The following UGT1A4 variants were observed in gnomAD, a reference collection of about 807,000 sequenced individuals.
The protein encoded by UGT1A4 is UDP glucuronosyltransferase family 1 member A4, also known as UDP-glucuronosyltransferase 1A4.
A neutral mutation model predicts 41.1 loss-of-function variants in UGT1A4; 32 were observed. The ratio of observed to expected loss-of-function variants is 0.78; its 90% CI spans 0.59 to 1.05. UGT1A4 has a LOEUF of 1.05. Ranked by LOEUF, UGT1A4 falls within the 50% of genes least tolerant of loss-of-function variation. The pLI is 0.00. For synonymous variants in UGT1A4, 283 were observed against 265.1 expected (o/e 1.07, Z -0.66); for missense variants, 748 against 677.4 (o/e 1.10, Z -1.16).
At chr2:233,754,945 G>C (rs1342760083) in intron 1 of UGT1A4, 3 of 1,327,414 alleles carry the variant, frequency 2.3e-6, no homozygotes, top group Non-Finnish European at 3.0e-6. Flanking sequence ...AAGGAGAATG[G>C]GTCCCGGCCG....
rs753289474 is a variant in UGT1A4 at position 233,769,632 on chromosome 2, G to C, written c.1307+1193G>C. ...CACCAGCTTGAGCAAGGGACAACAG[G>C]GGAGGACTGATGACTGACTTCCCAC... On this transcript the variant is annotated intron_variant, in intron 4 of 4. Transcript: ENST00000373409. This position sits in a 1 kb window ranked among gnomAD's most constrained non-coding sequence, Gnocchi z 4.4. The C allele has an allele frequency of 1.7e-5, 27 of 1,611,424 alleles. No individual in the cohort carries two copies. Among genetic ancestry groups the C allele is most frequent in the Non-Finnish European group, 1.8e-5 (21 of 1,179,338 alleles).
intron 1 of UGT1A4, chr2:233,747,763 G>A (rs181313522): frequency 8.1e-6 from 13 of 1,613,376 alleles, no homozygotes; most frequent in East Asian, 6.7e-5. Flanking sequence ...GACTTTAAGG[G>A]CACACAGTGT....
chr2:233,740,208 A>G (rs1691334030), intron 1 of UGT1A4, among the ~76,000 whole-genome samples: 1 of 151,862 alleles, frequency 6.6e-6, no homozygotes, highest in Admixed American at 6.5e-5. Flanking sequence ...TAAATTACCC[A>G]GTCTCAGCTG....
At chr2:233,729,866 A>C (rs1305518931) in intron 1 of UGT1A4, 8 of 1,613,728 alleles carry the variant, frequency 5.0e-6, no homozygotes, top group Non-Finnish European at 5.9e-6. Flanking sequence ...TCAGTGGTGG[A>C]TATTCTCAGT....
chr2:233,772,354 T>A lies in UGT1A4; in HGVS notation c.1400T>A (p.Met467Lys). The change falls in exon 5 of 5, where the codon ATG becomes AAG. Residue 467 changes from methionine (M) to lysine (K), a missense_variant. Coordinates refer to ENST00000373409, the MANE Select transcript of UGT1A4 (RefSeq NM_007120.3). Reference sequence around the variant, plus strand: ...GCCGTGTTCTGGGTGGAGTTTGTGATGAGGCACAAGGGCGCGCCACACCTG... The same window carrying A: ...GCCGTGTTCTGGGTGGAGTTTGTGAAGAGGCACAAGGGCGCGCCACACCTG... ...DLAVFWVEFVMRHKGAPHLRP... is the reference protein window; with the variant it reads ...DLAVFWVEFVKRHKGAPHLRP... 1.2e-6 allele frequency: 2 copies of A among 1,614,252 alleles called. No homozygotes were observed. The highest frequency in any genetic ancestry group is 1.7e-6 in the Non-Finnish European group (2 of 1,180,050).
chr2:233,756,076 G>T (rs915859102), intron 1 of UGT1A4: 19 of 152,212 alleles, frequency 1.2e-4, no homozygotes, highest in African/African-American at 2.4e-5. Flanking sequence ...GAATGACAAT[G>T]AGAAAATCAA....
intron 1 of UGT1A4, among the ~76,000 whole-genome samples, chr2:233,726,813 T>C (rs2077563444): frequency 6.6e-6 from 1 of 152,232 alleles, no homozygotes; most frequent in Non-Finnish European, 1.5e-5. Context: ...GAGGTTTTCC[T>C]CTATTCGACC....
At chr2:233,772,143 C>T in intron 4 of UGT1A4, 119 bp from the exon 5 acceptor site, 2 of 1,550,602 alleles carry the variant, frequency 1.3e-6, no homozygotes, top group Non-Finnish European at 1.7e-6. Flanking sequence ...ATAATAGAAA[C>T]AGGTTTCCTT....
At chr2:233,762,613 G>C (rs1698113480) in intron 1 of UGT1A4, among the ~76,000 whole-genome samples, 2 of 152,034 alleles carry the variant, frequency 1.3e-5, no homozygotes, top group South Asian at 4.1e-4. Flanking sequence ...GAGTTTTGTT[G>C]TTGTGACCTC....
intron 1 of UGT1A4, chr2:233,740,955 A>G (rs1274225683): frequency 1.3e-5 from 2 of 151,640 alleles, no homozygotes; most frequent in Non-Finnish European, 2.9e-5. Flanking sequence ...TAGGTGTGGT[A>G]GCATTTCTGT....
rs567983047 is a variant in UGT1A4, at chr2:233,769,352, G to A, written c.1307+913G>A. On this transcript the variant is annotated intron_variant, in intron 4 of 4. Transcript: ENST00000373409. This position sits in a 1 kb window ranked among gnomAD's most constrained non-coding sequence, Gnocchi z 4.4. The stretch of plus-strand genomic sequence containing the variant: ...GCTTATTAGAACCTTATGGGAAGAA[G>A]TGGTGGCCAGTGGTAGATTTCATCC... 6.6e-6 allele frequency among the ~76,000 whole-genome samples: 1 copy of A among 152,372 alleles called. No homozygotes were observed. Among genetic ancestry groups the A allele is most frequent in the East Asian group, 1.9e-4 (1 of 5,194 alleles).
chr2:233,731,569 A>G (rs1225013175), intron 1 of UGT1A4, among the ~76,000 whole-genome samples: 1 of 152,190 alleles, frequency 6.6e-6, no homozygotes, highest in African/African-American at 2.4e-5. Context: ...TTTGCTGAGA[A>G]TGATGGTTTA....
Position 233,718,986 on chromosome 2 carries a change from C to T in UGT1A4, c.166C>T (p.His56Tyr). ...EALRELHARG[H>Y]QAVVLTPEVN... Reference sequence around the variant, plus strand: ...CTTGCGGGAGCTCCATGCCAGAGGCCACCAGGCGGTGGTCCTCACCCCAGA... The same window carrying T: ...CTTGCGGGAGCTCCATGCCAGAGGCTACCAGGCGGTGGTCCTCACCCCAGA... Residue 56 changes from histidine (H) to tyrosine (Y), a missense_variant, in exon 1 of 5, where the codon CAC becomes TAC. Physicochemically the swap from His to Tyr is moderately conservative, Grantham distance 83. Coordinates refer to ENST00000373409, the MANE Select transcript of UGT1A4 (RefSeq NM_007120.3). 6.2e-7 allele frequency: 1 copy of T among 1,614,204 alleles called. No homozygotes were observed. The highest frequency in any genetic ancestry group is 2.2e-5 in the East Asian group (1 of 44,886).
chr2:233,761,518 T>G (rs780967719), intron 1 of UGT1A4, among the ~76,000 whole-genome samples: 1 of 152,242 alleles, frequency 6.6e-6, no homozygotes, highest in Non-Finnish European at 1.5e-5. Flanking sequence ...GCAGGCAATG[T>G]TCAGGACTGA....
intron 4 of UGT1A4, among the ~76,000 whole-genome samples, chr2:233,768,830 T>G (rs1378078075): frequency 6.6e-6 from 1 of 152,106 alleles, no homozygotes; most frequent in Non-Finnish European, 1.5e-5. Flanking sequence ...GTGATCCACC[T>G]GCCTCGGCCT....
In UGT1A4 at chr2:233,767,156, C is replaced by A. The variant is rs1029357504; in HGVS notation, c.990C>A (p.Ile330=). Residue 330 remains isoleucine, a synonymous_variant, in exon 2 of 5, where the codon ATC becomes ATA. Coordinates refer to ENST00000373409, the MANE Select transcript of UGT1A4 (RefSeq NM_007120.3). Reference sequence around the variant, plus strand: ...CAATTGCTGATGCTTTGGGCAAAATCCCTCAGACAGTAAGAAGATTCTATA... The same window carrying A: ...CAATTGCTGATGCTTTGGGCAAAATACCTCAGACAGTAAGAAGATTCTATA... ...AMAIADALGK[I]PQTVLWRYTG... The A allele has an allele frequency of 6.2e-7, 1 of 1,614,058 alleles. No individual in the cohort carries two copies. Among genetic ancestry groups the A allele is most frequent in the Non-Finnish European group, 8.5e-7 (1 of 1,179,996 alleles).
intron 1 of UGT1A4, among the ~76,000 whole-genome samples, chr2:233,761,366 G>T (rs541123734): frequency 6.6e-6 from 1 of 152,292 alleles, no homozygotes; most frequent in Admixed American, 6.5e-5. Context: ...GCATTCCTTG[G>T]ACATTTTACT....
chr2:233,761,130 TC>T, intron 1 of UGT1A4: 1 of 1,614,212 alleles, frequency 6.2e-7, no homozygotes, highest in Non-Finnish European at 8.5e-7. Flanking sequence ...TCAACTGCCT[TC>T]ACCAAAATCC....
intron 1 of UGT1A4, chr2:233,743,283 G>A: frequency 2.0e-6 from 1 of 501,770 alleles, no homozygotes. Context: ...CCCTTTCTTG[G>A]CCATTCTCAA....
Sources: gnomAD v4.1 joint callset for allele counts (sites outside exome capture counted in the v4.1 genomes callset) on GRCh38, gnomAD v4.1.1 for gene constraint, Gnocchi (gnomAD v3.1) non-coding constraint, MANE v1.5 for transcripts, NCBI Gene and HGNC (gene_info 2026-07-23, HGNC 2026-07-21) for gene names.